Variants in PEX11A observed in about 807,000 individuals in gnomAD.
PEX11A encodes the protein peroxisomal membrane protein 11A.
In PEX11A, 13 loss-of-function variants were observed where a neutral mutation model predicts 14.4. The ratio of observed to expected loss-of-function variants is 0.90; its 90% CI spans 0.59 to 1.43. PEX11A has a LOEUF of 1.43. PEX11A is among the 40% of genes most tolerant of loss of function. The pLI, the probability that PEX11A is intolerant of heterozygous loss-of-function variation, is 0.00. For synonymous variants in PEX11A, 101 were observed against 113.0 expected (o/e 0.89, Z 0.67); for missense variants, 290 against 302.8 (o/e 0.96, Z 0.31).
chr15:89,688,613 G>A (rs1419956093), intron 1 of PEX11A, among the ~76,000 whole-genome samples: 1 of 151,982 alleles, frequency 6.6e-6, no homozygotes, highest in African/African-American at 2.4e-5. Flanking sequence ...GGCTGGTCCC[G>A]AACTCCTGAC....
chr15:89,685,341 T>A (rs1964662374), intron 2 of PEX11A, among the ~76,000 whole-genome samples: 1 of 152,094 alleles, frequency 6.6e-6, no homozygotes, highest in Non-Finnish European at 1.5e-5. Context: ...ACTAACTGGC[T>A]GAATGACCCT....
At position 89,686,555 on chromosome 15, in the gene PEX11A, G is replaced by GA. The variant is rs759780857; in HGVS notation, c.57-10dup. ...ATGTGTACTGAGTGGCTCTGAAATG[G>GA]AAAAAAAAAAATTGAGAAGAATGAT... On this transcript the variant is annotated splice_polypyrimidine_tract_variant and intron_variant, in intron 1 of 2. Coordinates refer to ENST00000300056, the MANE Select transcript of PEX11A (RefSeq NM_003847.3). The GA allele has an allele frequency of 0.024, 23,068 of 958,494 alleles. 73 individuals are homozygous for GA. Among genetic ancestry groups the GA allele is most frequent in the Non-Finnish European group, 0.028 (18,200 of 660,714 alleles). 59.4% of individuals were successfully genotyped at this position (958,494 alleles called of 1,614,324 possible). A position where few individuals can be genotyped will look rare whatever the true frequency, so the allele number is the denominator to read the frequency against.
At chr15:89,685,011 G>A (rs1964656382) in intron 2 of PEX11A, among the ~76,000 whole-genome samples, 1 of 151,930 alleles carries the variant, frequency 6.6e-6, no homozygotes, top group Non-Finnish European at 1.5e-5. Context: ...CCAACGTGGT[G>A]AAACCCCGTC....
In PEX11A at chr15:89,681,587, G is replaced by A; in HGVS notation, c.*1790C>T. ...TTAATCTATTACAGTAGAGGATCTG[G>A]ACAATAAAAATAGTTATTTAAGCTT... On this transcript the variant is annotated 3_prime_UTR_variant, in exon 3 of 3. Coordinates refer to ENST00000300056, the MANE Select transcript of PEX11A (RefSeq NM_003847.3). 1.5e-6 allele frequency: 1 copy of A among 689,326 alleles called. No individual in the cohort carries two copies. The highest frequency in any genetic ancestry group is 2.7e-5 in the East Asian group (1 of 37,128). The allele number at this position is 689,326 out of a possible 1,614,324, so 42.7% of individuals were successfully genotyped here.
intron 1 of PEX11A, among the ~76,000 whole-genome samples, chr15:89,687,314 A>G (rs1017259966): frequency 3.3e-5 from 5 of 152,234 alleles, no homozygotes; most frequent in Non-Finnish European, 7.3e-5. Flanking sequence ...AACCAAATGA[A>G]AAGTCCACAG....
At chr15:89,685,005 C>A (rs1257604517) in intron 2 of PEX11A, among the ~76,000 whole-genome samples, 1 of 151,826 alleles carries the variant, frequency 6.6e-6, no homozygotes, top group Non-Finnish European at 1.5e-5. Context: ...GCCTGGCCAA[C>A]GTGGTGAAAC....
intron 1 of PEX11A, among the ~76,000 whole-genome samples, chr15:89,689,988 C>G (rs1237009681): frequency 6.6e-6 from 1 of 152,116 alleles, no homozygotes; most frequent in African/African-American, 2.4e-5. Context: ...AAAAAGTAGC[C>G]GGGCGTGGTA....
chr15:89,689,771 C>T (rs1295394414), intron 1 of PEX11A, among the ~76,000 whole-genome samples: 1 of 152,170 alleles, frequency 6.6e-6, no homozygotes, highest in Non-Finnish European at 1.5e-5. Flanking sequence ...ATTCCACATG[C>T]AGTATCTCAA....
At chr15:89,685,534 C>G (rs929533148) in intron 2 of PEX11A, among the ~76,000 whole-genome samples, 1 of 151,880 alleles carries the variant, frequency 6.6e-6, no homozygotes, top group Non-Finnish European at 1.5e-5. Flanking sequence ...TGTAGTTTGA[C>G]AATGATCCTC....
intron 2 of PEX11A, among the ~76,000 whole-genome samples, chr15:89,685,195 C>A (rs1964659195): frequency 9.0e-6 from 1 of 111,178 alleles, no homozygotes; most frequent in African/African-American, 3.7e-5. Context: ...CAGAGTGAGA[C>A]TCCATCTCAA....
rs768041150 is a variant in PEX11A at position 89,683,799 on chromosome 15, C to T, written c.322G>A (p.Val108Ile). Residue 108 changes from valine (V) to isoleucine (I), a missense_variant, in exon 3 of 3, where the codon GTA becomes ATA. By Grantham distance (29) the Val-to-Ile change is conservative. Transcript: ENST00000300056. ...TTGTTGATGCCAGAGGTGAGACCTA[C>T]GCTCCTCACCCAGAGGATGGTGTCA... The part of the protein sequence containing the change: ...ICDTILWVRS[V>I]GLTSGINKEK... 29 of 1,614,018 alleles carry T rather than the reference C, an allele frequency of 1.8e-5. 1 individual carries two copies. Among genetic ancestry groups the T allele is most frequent in the East Asian group, 1.1e-4 (5 of 44,882 alleles).
intron 1 of PEX11A, among the ~76,000 whole-genome samples, chr15:89,690,006 C>A (rs960481452): frequency 5.9e-5 from 9 of 152,186 alleles, no homozygotes; most frequent in African/African-American, 2.2e-4. Flanking sequence ...GTAGTGCACG[C>A]CTGTAATCCC....
intron 1 of PEX11A, among the ~76,000 whole-genome samples, chr15:89,687,457 C>G (rs551954238): frequency 6.6e-6 from 1 of 152,252 alleles, no homozygotes; most frequent in East Asian, 1.9e-4. Context: ...CAGAATCCTG[C>G]TTAATAATAC....
chr15:89,690,731 T>A lies in PEX11A; in HGVS notation c.-99A>T. The A allele has an allele frequency of 1.2e-6, 1 of 829,540 alleles. No individual in the cohort carries two copies. The highest frequency in any genetic ancestry group is 3.4e-4 in the Middle Eastern group (1 of 2,940). 51.4% of individuals were successfully genotyped at this position (829,540 alleles called of 1,614,324 possible). ...GAACGGTCAGTCCCAGGTTATCCGC[T>A]GAGGGGGAGGGGCTGAGTCTCTCCG... On this transcript the variant is annotated 5_prime_UTR_variant, in exon 1 of 3. Transcript: ENST00000300056.
At chr15:89,687,914 T>C in intron 1 of PEX11A, 1 of 488,266 alleles carries the variant, frequency 2.0e-6, no homozygotes, top group East Asian at 5.0e-5. Flanking sequence ...GTCTTCATAA[T>C]AAAACAAAAG....
Position 89,690,560 on chromosome 15 carries a change from G to C in PEX11A, c.56+17C>G. ...TTAGGGCGAGAAAGGGGCGGAGGCC[G>C]CTGGCACCTGACTCACCTGAAGAGT... On this transcript the variant is annotated intron_variant, in intron 1 of 2. Coordinates refer to ENST00000300056, the MANE Select transcript of PEX11A (RefSeq NM_003847.3). 3.9e-6 allele frequency: 6 copies of C among 1,546,890 alleles called. No individual in the cohort carries two copies. The highest frequency in any genetic ancestry group is 4.4e-6 in the Non-Finnish European group (5 of 1,143,660).
In PEX11A at chr15:89,681,590, A is replaced by G; in HGVS notation, c.*1787T>C. 1.5e-6 allele frequency: 1 copy of G among 683,832 alleles called. No individual in the cohort carries two copies. The highest frequency in any genetic ancestry group is 2.7e-6 in the Non-Finnish European group (1 of 376,992). The allele number at this position is 683,832 out of a possible 1,614,324, so 42.4% of individuals were successfully genotyped here. ...ATCTATTACAGTAGAGGATCTGGAC[A>G]ATAAAAATAGTTATTTAAGCTTTTT... is the stretch of plus-strand genomic sequence containing the variant. On this transcript the variant is annotated 3_prime_UTR_variant, in exon 3 of 3. Transcript: ENST00000300056.
At position 89,683,229 on chromosome 15, in the gene PEX11A, C is replaced by T; in HGVS notation, c.*148G>A. 3.0e-6 allele frequency: 2 copies of T among 662,038 alleles called. No individual in the cohort carries two copies. The highest frequency in any genetic ancestry group is 4.9e-5 in the Admixed American group (2 of 40,816). 41.0% of individuals were successfully genotyped at this position (662,038 alleles called of 1,614,324 possible). On this transcript the variant is annotated 3_prime_UTR_variant, in exon 3 of 3. Coordinates refer to ENST00000300056, the MANE Select transcript of PEX11A (RefSeq NM_003847.3). ...TGCTCCTCCCTTCTCCGTTCTTGGC[C>T]TCATCTCTGCCCACATCACAGGTTG...
At chr15:89,685,597 G>A (rs1964665785) in intron 2 of PEX11A, among the ~76,000 whole-genome samples, 2 of 151,774 alleles carry the variant, frequency 1.3e-5, no homozygotes, top group Admixed American at 6.6e-5. Flanking sequence ...ACTGCCCTTC[G>A]AAACTCTCTT....
Sources: gnomAD v4.1 joint callset for allele counts (sites outside exome capture counted in the v4.1 genomes callset) on GRCh38, gnomAD v4.1.1 for gene constraint, MANE v1.5 for transcripts, NCBI Gene and HGNC (gene_info 2026-07-23, HGNC 2026-07-21) for gene names.